Variants in KCNH1 observed in about 807,000 individuals in gnomAD.
KCNH1 encodes the protein voltage-gated delayed rectifier potassium channel KCNH1.
KCNH1 carries 27 observed loss-of-function variants against 69.2 expected under a neutral mutation model. The ratio of observed to expected loss-of-function variants is 0.39; its 90% CI spans 0.29 to 0.54. The LOEUF (loss-of-function observed/expected upper bound fraction) is 0.54, where lower values mean the gene tolerates loss of function less well. KCNH1 is among the 20% of genes least tolerant of loss of function. The probability of loss-of-function intolerance (pLI) is 0.68; values close to 1 mark genes in which losing one functional copy is unlikely to be tolerated. For synonymous variants in KCNH1, 456 were observed against 487.7 expected (o/e 0.93, Z 0.86); for missense variants, 798 against 1,261.6 (o/e 0.63, Z 5.57).
chr1:210,902,123 G>T (rs913488808), intron 7 of KCNH1, among the ~76,000 whole-genome samples: 2 of 152,152 alleles, frequency 1.3e-5, no homozygotes, highest in East Asian at 3.9e-4. Context: ...AACCAATGAG[G>T]GGAGGGAAGA....
chr1:210,767,857 T>C (rs983455624), intron 10 of KCNH1, among the ~76,000 whole-genome samples: 1 of 152,220 alleles, frequency 6.6e-6, no homozygotes, highest in African/African-American at 2.4e-5. Flanking sequence ...TAACAGTACA[T>C]CAAGTAACTT....
chr1:211,074,622 T>G (rs1352848479), intron 5 of KCNH1, among the ~76,000 whole-genome samples: 1 of 152,242 alleles, frequency 6.6e-6, no homozygotes, highest in Non-Finnish European at 1.5e-5. Context: ...TCAACTTGGC[T>G]ATGCTGTGGC....
chr1:210,770,021 A>G (rs1443472791), intron 10 of KCNH1, among the ~76,000 whole-genome samples: 2 of 152,196 alleles, frequency 1.3e-5, no homozygotes, highest in African/African-American at 4.8e-5. Flanking sequence ...TAGGGCAGCC[A>G]TAAAAAAGAA....
intron 6 of KCNH1, among the ~76,000 whole-genome samples, chr1:210,962,265 C>A (rs1182914553): frequency 6.6e-6 from 1 of 152,158 alleles, no homozygotes. Context: ...TTTTTCAGCC[C>A]TCAAGATCAT....
At chr1:210,687,431 C>CT (rs143672695) in intron 10 of KCNH1, among the ~76,000 whole-genome samples, 180 of 152,294 alleles carry the variant, frequency 1.2e-3, no homozygotes, top group African/African-American at 4.1e-3. Context: ...TCTGTGCAGG[C>CT]TTTTTTTCCA....
chr1:210,801,923 T>A (rs945653227), intron 8 of KCNH1, among the ~76,000 whole-genome samples: 1 of 152,332 alleles, frequency 6.6e-6, no homozygotes, highest in African/African-American at 2.4e-5. Context: ...ATGTTTTAAA[T>A]TTTTTTAAGT....
chr1:211,019,364 C>T (rs1362416085), intron 5 of KCNH1, 108 bp from the exon 6 acceptor site: 2 of 682,354 alleles, frequency 2.9e-6, no homozygotes, highest in Non-Finnish European at 5.0e-6. Context: ...CTGGATAAAT[C>T]GTCAGGTACA....
At chr1:210,997,256 A>C (rs1689067255) in intron 6 of KCNH1, among the ~76,000 whole-genome samples, 1 of 152,142 alleles carries the variant, frequency 6.6e-6, no homozygotes, top group South Asian at 2.1e-4. Context: ...ACAAGTTAAA[A>C]ACTTTGAAAA....
At position 210,785,284 on chromosome 1, in the gene KCNH1, GA is replaced by G. The variant is rs554473509; in HGVS notation, c.1916-9741del. Reference sequence around the variant, plus strand: ...AATAGACAATTTTTCCAAAAAGCAGGAAAAAAAGTTGGATGGTTGGGAAGGA... The same window carrying G: ...AATAGACAATTTTTCCAAAAAGCAGGAAAAAAGTTGGATGGTTGGGAAGGA... On this transcript the variant is annotated intron_variant, in intron 9 of 10. Coordinates refer to ENST00000271751, the MANE Select transcript of KCNH1 (RefSeq NM_172362.3). 4.1e-4 allele frequency among the ~76,000 whole-genome samples: 63 copies of G among 151,982 alleles called. 1 individual carries two copies. The highest frequency in any genetic ancestry group is 7.2e-4 in the Non-Finnish European group (49 of 67,976).
chr1:211,031,702 A>C (rs1342835201), intron 5 of KCNH1, among the ~76,000 whole-genome samples: 1 of 152,228 alleles, frequency 6.6e-6, no homozygotes, highest in Non-Finnish European at 1.5e-5. Flanking sequence ...CTTTAACAAA[A>C]TTCAACAACC....
chr1:210,940,995 A>C (rs1488506832), intron 6 of KCNH1, among the ~76,000 whole-genome samples: 2 of 152,198 alleles, frequency 1.3e-5, no homozygotes, highest in Non-Finnish European at 1.5e-5. Context: ...TGAAAACCCC[A>C]GTGACTTTCA....
chr1:210,782,597 G>T (rs1684008986), intron 9 of KCNH1, among the ~76,000 whole-genome samples: 1 of 152,104 alleles, frequency 6.6e-6, no homozygotes, highest in Non-Finnish European at 1.5e-5. Context: ...GTGGTGGCGA[G>T]CACTTGTAAT....
In KCNH1 at chr1:210,928,032, A is replaced by G. The variant is rs576894539; in HGVS notation, c.1033-7963T>C. ...ATATGACAATTCTAAATATATATGC[A>G]CCTAAAACTGGATCTCCCAAATTTA... On this transcript the variant is annotated intron_variant, in intron 6 of 10. Transcript: ENST00000271751. Among the ~76,000 whole-genome samples the G allele has an allele frequency of 7.2e-5, 11 of 152,304 alleles. No individual in the cohort carries two copies. In the East Asian group the frequency reaches 2.1e-3, roughly 29 times the overall value.
chr1:211,004,337 T>A (rs1393184729), intron 6 of KCNH1, among the ~76,000 whole-genome samples: 1 of 152,086 alleles, frequency 6.6e-6, no homozygotes, highest in Non-Finnish European at 1.5e-5. Context: ...GATATACGTA[T>A]CGATGCATAA....
chr1:210,929,217 A>G (rs1318898082), intron 6 of KCNH1, among the ~76,000 whole-genome samples: 5 of 152,164 alleles, frequency 3.3e-5, no homozygotes, highest in Non-Finnish European at 7.4e-5. Flanking sequence ...AGGGAAGGAC[A>G]TGACCAAAAA....
chr1:210,807,493 T>C (rs961576015), intron 7 of KCNH1, among the ~76,000 whole-genome samples: 16 of 151,980 alleles, frequency 1.1e-4, no homozygotes, highest in Non-Finnish European at 1.8e-4. Flanking sequence ...ATGCCTGTAG[T>C]CCCAGCAACT....
chr1:210,737,682 T>G (rs1682913886), intron 10 of KCNH1, among the ~76,000 whole-genome samples: 1 of 152,182 alleles, frequency 6.6e-6, no homozygotes, highest in Non-Finnish European at 1.5e-5. Context: ...AAAGTCCTCA[T>G]CAACTCAGTA....
chr1:210,870,019 A>C (rs1686205920), intron 7 of KCNH1, among the ~76,000 whole-genome samples: 1 of 152,124 alleles, frequency 6.6e-6, no homozygotes, highest in Non-Finnish European at 1.5e-5. Flanking sequence ...CAACTCTGTG[A>C]TATCATGCTC....
intron 5 of KCNH1, among the ~76,000 whole-genome samples, chr1:211,043,465 A>C (rs983114514): frequency 6.6e-6 from 1 of 152,168 alleles, no homozygotes; most frequent in African/African-American, 2.4e-5. Flanking sequence ...GGTAACAAAA[A>C]AATTACCAAC....
Sources: allele counts gnomAD v4.1 joint callset (sites outside exome capture counted in the v4.1 genomes callset), GRCh38; gene constraint gnomAD v4.1.1; transcripts MANE v1.5; gene names NCBI Gene and HGNC (gene_info 2026-07-23, HGNC 2026-07-21).